Variants in FAAH observed in about 807,000 individuals in gnomAD.
The protein encoded by FAAH is fatty acid amide hydrolase.
A neutral mutation model predicts 69.7 loss-of-function variants in FAAH; 63 were observed. That is an observed-to-expected ratio of 0.90 (90% CI 0.74 to 1.12). FAAH has a LOEUF of 1.12. Among genes scored for constraint, FAAH ranks in the 50% most tolerant of loss-of-function variants. The pLI, the probability that FAAH is intolerant of heterozygous loss-of-function variation, is 0.00. For missense variants in FAAH, 680 were observed against 755.0 expected (o/e 0.90, Z 1.16); for synonymous variants, 305 against 324.2 (o/e 0.94, Z 0.64).
chr1:46,402,043 C>G, intron 1 of FAAH, 48 bp from the exon 2 acceptor site: 1 of 1,495,466 alleles, frequency 6.7e-7, no homozygotes, highest in Non-Finnish European at 9.2e-7. Context: ...GCTGCAGGCC[C>G]ATGAGACTTC....
intron 2 of FAAH, among the ~76,000 whole-genome samples, chr1:46,403,377 G>A (rs965033166): frequency 3.3e-5 from 5 of 152,170 alleles, no homozygotes; most frequent in African/African-American, 1.2e-4. Flanking sequence ...GATTACAGGC[G>A]TGAGCCACCG....
chr1:46,398,622 C>A (rs1415373395), intron 1 of FAAH, among the ~76,000 whole-genome samples: 2 of 152,060 alleles, frequency 1.3e-5, no homozygotes, highest in African/African-American at 2.4e-5. Flanking sequence ...CAACCTCCGC[C>A]TCCCGGGTTC....
At chr1:46,409,300 C>A in intron 9 of FAAH, 102 bp downstream of exon 9, 1 of 894,190 alleles carries the variant, frequency 1.1e-6, no homozygotes, top group Non-Finnish European at 1.9e-6. Context: ...TTAGCTGAAT[C>A]CAACAAAGGC....
chr1:46,413,237 C>T lies in FAAH; in HGVS notation c.1611+17C>T, dbSNP rs530574016. 1.2e-5 allele frequency: 19 copies of T among 1,613,968 alleles called. No homozygotes were observed. In the South Asian group the frequency reaches 1.5e-4, roughly 13 times the overall value. On this transcript the variant is annotated intron_variant, in intron 14 of 14. Transcript: ENST00000243167. ...CTGCAGAAGGTGAGGACTGACCTGCCCCTCAACTGGACTCACTCCCCACCC... is the reference window on the plus strand; with the variant it reads ...CTGCAGAAGGTGAGGACTGACCTGCTCCTCAACTGGACTCACTCCCCACCC...
intron 7 of FAAH, among the ~76,000 whole-genome samples, chr1:46,407,610 T>C (rs956165177): frequency 6.8e-6 from 1 of 146,668 alleles, no homozygotes; most frequent in Non-Finnish European, 1.5e-5. Context: ...TCTCTCTCTG[T>C]CTCTGTGTGC....
rs184641177 is a variant in FAAH, at chr1:46,394,750, T to C, written c.195+207T>C. On this transcript the variant is annotated intron_variant, in intron 1 of 14. Coordinates refer to ENST00000243167, the MANE Select transcript of FAAH (RefSeq NM_001441.3). ...AAGGAAACGGTAGTGTCAAGGCAGG[T>C]GGTGGAAGGCCTTTCCCTCACTGGG... Among the ~76,000 whole-genome samples the C allele has an allele frequency of 1.3e-3, 199 of 152,186 alleles. 2 individuals are homozygous for C. Among genetic ancestry groups the C allele is most frequent in the African/African-American group, 4.2e-3 (175 of 41,510 alleles).
chr1:46,404,864 T>A lies in FAAH; in HGVS notation c.310-150T>A. 1 of 1,021,234 alleles carries A rather than the reference T, an allele frequency of 9.8e-7. No homozygotes were observed. Among genetic ancestry groups the A allele is most frequent in the South Asian group, 1.4e-5 (1 of 71,248 alleles). The allele number at this position is 1,021,234 out of a possible 1,614,324, so 63.3% of individuals were successfully genotyped here. A position where few individuals can be genotyped will look rare whatever the true frequency, so the allele number is the denominator to read the frequency against. ...GAGGCAGATGCTGAGCCCTAGGTCA[T>A]CCTCTGTGCCCCAGGCTCTGGGCCA... On this transcript the variant is annotated intron_variant, in intron 2 of 14. Coordinates refer to ENST00000243167, the MANE Select transcript of FAAH (RefSeq NM_001441.3). This position sits in a 1 kb window ranked among gnomAD's most constrained non-coding sequence, Gnocchi z 4.5.
intron 7 of FAAH, among the ~76,000 whole-genome samples, chr1:46,407,090 TTGC>T (rs1401831363): frequency 2.0e-5 from 3 of 151,782 alleles, no homozygotes; most frequent in Non-Finnish European, 2.9e-5. Context: ...CCTGCCAGAC[TTGC>T]TGCTACGTGA....
Position 46,413,119 on chromosome 1 carries a change from G to A in FAAH, c.1510G>A (p.Ala504Thr), listed in dbSNP as rs7524148. ...TMLYNCLDFPAGVVPVTTVTA... is the reference protein window; with the variant it reads ...TMLYNCLDFPTGVVPVTTVTA... Reference sequence around the variant, plus strand: ...GCTGTACAACTGCCTGGACTTCCCTGCAGGGGTGGTGCCTGTCACCACGGT... The same window carrying A: ...GCTGTACAACTGCCTGGACTTCCCTACAGGGGTGGTGCCTGTCACCACGGT... The change falls in exon 14 of 15, where the codon GCA becomes ACA. Residue 504 changes from alanine (A) to threonine (T), a missense_variant. Coordinates refer to ENST00000243167, the MANE Select transcript of FAAH (RefSeq NM_001441.3). 1 of 1,614,218 alleles carries A rather than the reference G, an allele frequency of 6.2e-7. No individual in the cohort carries two copies. The highest frequency in any genetic ancestry group is 8.5e-7 in the Non-Finnish European group (1 of 1,180,032).
intron 1 of FAAH, among the ~76,000 whole-genome samples, chr1:46,394,938 GT>G (rs140391184): frequency 0.22 from 34,053 of 151,366 alleles, 4,279 homozygotes; most frequent in Non-Finnish European, 0.29. Context: ...TTTGTTTTTT[GT>G]TTTTTTTTGT....
rs776145649 is a variant in FAAH, at chr1:46,405,507, T to G, written c.578+2T>G. 6.9e-7 allele frequency: 1 copy of G among 1,454,184 alleles called. No individual in the cohort carries two copies. The highest frequency in any genetic ancestry group is 1.4e-5 in the African/African-American group (1 of 69,328). 90.1% of individuals were successfully genotyped at this position (1,454,184 alleles called of 1,614,324 possible). On this transcript the variant is annotated splice_donor_variant, in intron 4 of 14. Transcript: ENST00000243167. LOFTEE classifies it high-confidence loss of function. This position sits in a 1 kb window ranked among gnomAD's most constrained non-coding sequence, Gnocchi z 4.1. ...CAATGTTCCACAGTCCATGTTCAGG[T>G]TGGGTCTTGGGGTGGGGCGGGGCGG...
chr1:46,402,204 G>A lies in FAAH; in HGVS notation c.309G>A (p.Lys103=). 1.3e-6 allele frequency: 2 copies of A among 1,587,350 alleles called. No homozygotes were observed. Among genetic ancestry groups the A allele is most frequent in the Non-Finnish European group, 1.7e-6 (2 of 1,170,412 alleles). The change falls in exon 2 of 15, where the codon AAG becomes AAA. Residue 103 remains lysine, a splice_region_variant and synonymous_variant. Coordinates refer to ENST00000243167, the MANE Select transcript of FAAH (RefSeq NM_001441.3). ...CCGTGCTCTTCACCTATGTGGGAAA[G>A]GTAAGGCCAGCCAAGGCCAGCCCCT... ...PEAVLFTYVG[K]AWEVNKGTNC...
chr1:46,409,099 A>C lies in FAAH; in HGVS notation c.1078-2A>C. 1 of 1,613,818 alleles carries C rather than the reference A, an allele frequency of 6.2e-7. No individual in the cohort carries two copies. Among genetic ancestry groups the C allele is most frequent in the Non-Finnish European group, 8.5e-7 (1 of 1,179,754 alleles). Reference sequence around the variant, plus strand: ...AGGCCTTACACCCCTCAATCCCTGCAGCTGGTTCCCTTCTTGCCAAGCAAC... The same window carrying C: ...AGGCCTTACACCCCTCAATCCCTGCCGCTGGTTCCCTTCTTGCCAAGCAAC... On this transcript the variant is annotated splice_acceptor_variant, in intron 8 of 14. Transcript: ENST00000243167. LOFTEE classifies it high-confidence loss of function.
rs140299451 is a variant in FAAH, at chr1:46,394,863, G to A, written c.195+320G>A. Among the ~76,000 whole-genome samples the A allele has an allele frequency of 9.5e-4, 145 of 152,372 alleles. 1 individual carries two copies. The highest frequency in any genetic ancestry group is 3.4e-3 in the African/African-American group (142 of 41,594). The stretch of plus-strand genomic sequence containing the variant: ...ACGCAAGCGTGACAACCAGTGGGAT[G>A]CCAGGGGTTGAGGACTTTGGAATCG... On this transcript the variant is annotated intron_variant, in intron 1 of 14. Coordinates refer to ENST00000243167, the MANE Select transcript of FAAH (RefSeq NM_001441.3).
chr1:46,406,139 G>A, intron 6 of FAAH, 61 bp downstream of exon 6: 2 of 1,613,814 alleles, frequency 1.2e-6, no homozygotes, highest in Non-Finnish European at 1.7e-6. Flanking sequence ...ACCCGCTTCC[G>A]CCCGTGCTTC....
Position 46,412,190 on chromosome 1 carries a change from T to C in FAAH, c.1404T>C (p.Asp468=), listed in dbSNP as rs755093540. The C allele has an allele frequency of 6.4e-7, 1 of 1,564,808 alleles. No individual in the cohort carries two copies. The highest frequency in any genetic ancestry group is 8.7e-7 in the Non-Finnish European group (1 of 1,154,446). ...CCCAGTGGAGGGCGCTGGACCTGGA[T>C]GTGGTGCTGACCCCCATGCTGGCCC... The part of the protein sequence containing the change: ...VIAQWRALDL[D]VVLTPMLAPA... Residue 468 remains aspartate, a synonymous_variant, in exon 13 of 15, where the codon GAT becomes GAC. Coordinates refer to ENST00000243167, the MANE Select transcript of FAAH (RefSeq NM_001441.3).
rs751730154 is a variant in FAAH at position 46,405,538 on chromosome 1, G to A, written c.578+33G>A. The A allele has an allele frequency of 9.9e-6, 16 of 1,612,892 alleles. No individual in the cohort carries two copies. In the South Asian group the frequency reaches 1.8e-4, roughly 18 times the overall value. On this transcript the variant is annotated intron_variant, in intron 4 of 14. Coordinates refer to ENST00000243167, the MANE Select transcript of FAAH (RefSeq NM_001441.3). This position sits in a 1 kb window ranked among gnomAD's most constrained non-coding sequence, Gnocchi z 4.1. ...CTTGGGGTGGGGCGGGGCGGGGCAG[G>A]GGCACCGGTCCCAGCATGGCACGGG...
At chr1:46,400,973 G>A (rs1195046222) in intron 1 of FAAH, among the ~76,000 whole-genome samples, 1 of 26,790 alleles carries the variant, frequency 3.7e-5, no homozygotes, top group Non-Finnish European at 7.8e-5. Context: ...GGGAGGGGAG[G>A]AAGGGAAGGG....
At chr1:46,402,293 G>A in intron 2 of FAAH, 89 bp downstream of exon 2, 1 of 1,168,098 alleles carries the variant, frequency 8.6e-7, no homozygotes, top group African/African-American at 1.5e-5. Flanking sequence ...GTCCGCACAG[G>A]CTGTGGGGAA....
Sources: allele counts gnomAD v4.1 joint callset (sites outside exome capture counted in the v4.1 genomes callset), GRCh38; gene constraint gnomAD v4.1.1; non-coding constraint Gnocchi (gnomAD v3.1); transcripts MANE v1.5; gene names NCBI Gene and HGNC (gene_info 2026-07-23, HGNC 2026-07-21).